The following FGF12 variants were observed in gnomAD, a reference collection of about 807,000 sequenced individuals.
FGF12 encodes fibroblast growth factor 12, also known as fibroblast growth factor 12B.
In FGF12, 14 loss-of-function variants were observed where a neutral mutation model predicts 23.6. The ratio of observed to expected loss-of-function variants is 0.59; its 90% CI spans 0.39 to 0.93. The LOEUF is 0.93. FGF12 is among the 40% of genes least tolerant of loss of function. The pLI is 0.00. For synonymous variants in FGF12, 62 were observed against 77.3 expected, an observed-to-expected ratio of 0.80 and a Z score of 1.04; for missense variants, 175 against 217.8, an observed-to-expected ratio of 0.80 and a Z score of 1.24.
At chr3:192,223,957 G>T (rs185622075) in intron 4 of FGF12, among the ~76,000 whole-genome samples, 275 of 152,198 alleles carry the variant, frequency 1.8e-3, no homozygotes, top group African/African-American at 5.2e-3. Context: ...AAGACAAAGT[G>T]TATAGAGTGA....
chr3:192,345,106 T>C (rs1408654906), intron 3 of FGF12, among the ~76,000 whole-genome samples: 1 of 152,230 alleles, frequency 6.6e-6, no homozygotes, highest in Non-Finnish European at 1.5e-5. Context: ...AAATCAATAC[T>C]ATGGCCTACT....
chr3:192,391,950 G>T (rs1349651578), intron 2 of FGF12, among the ~76,000 whole-genome samples: 3 of 152,174 alleles, frequency 2.0e-5, no homozygotes, highest in Non-Finnish European at 4.4e-5. Flanking sequence ...CATAAGCAAA[G>T]ATTTATGTTT....
intron 4 of FGF12, among the ~76,000 whole-genome samples, chr3:192,303,681 T>C (rs1715465348): frequency 6.6e-6 from 1 of 152,150 alleles, no homozygotes; most frequent in Admixed American, 6.5e-5. Flanking sequence ...CGCTTAGGTT[T>C]TAAAGACACC....
intron 2 of FGF12, among the ~76,000 whole-genome samples, chr3:192,621,996 G>A (rs1055026336): frequency 6.6e-6 from 1 of 152,142 alleles, no homozygotes; most frequent in Non-Finnish European, 1.5e-5. Flanking sequence ...CTTTCCAGTT[G>A]TTGGTGAGTA....
chr3:192,380,973 G>T (rs1719790914), intron 2 of FGF12, among the ~76,000 whole-genome samples: 1 of 149,448 alleles, frequency 6.7e-6, no homozygotes, highest in Non-Finnish European at 1.5e-5. Flanking sequence ...TTAATGACTT[G>T]TTCTATTTAA....
intron 2 of FGF12, among the ~76,000 whole-genome samples, chr3:192,689,907 GA>G (rs1056547793): frequency 2.0e-5 from 3 of 148,946 alleles, no homozygotes; most frequent in Admixed American, 6.7e-5. Flanking sequence ...AAAGCAGGAA[GA>G]AAAAAAAAGC....
chr3:192,179,144 T>C (rs1033076152), intron 4 of FGF12, among the ~76,000 whole-genome samples: 4 of 152,126 alleles, frequency 2.6e-5, no homozygotes, highest in Non-Finnish European at 4.4e-5. Context: ...AATGCCAAAT[T>C]ACATTATCTC....
At chr3:192,263,879 G>A (rs542032102) in intron 4 of FGF12, among the ~76,000 whole-genome samples, 2 of 152,108 alleles carry the variant, frequency 1.3e-5, no homozygotes, top group African/African-American at 4.8e-5. Context: ...GCTCATAAAT[G>A]CAGTCCAACA....
intron 4 of FGF12, among the ~76,000 whole-genome samples, chr3:192,195,674 G>A (rs1258163457): frequency 6.6e-6 from 1 of 152,066 alleles, no homozygotes; most frequent in African/African-American, 2.4e-5. Flanking sequence ...TGTAAGCAAT[G>A]TATAACTATA....
chr3:192,575,445 C>T (rs527322494), intron 2 of FGF12, among the ~76,000 whole-genome samples: 36 of 152,224 alleles, frequency 2.4e-4, no homozygotes, highest in East Asian at 7.8e-4. Flanking sequence ...ACATTAACTT[C>T]GCTAATAGCC....
In FGF12 at chr3:192,514,365, G is replaced by A. The variant is rs1447757821; in HGVS notation, c.14-153827C>T. Among the ~76,000 whole-genome samples the A allele has an allele frequency of 6.6e-6, 1 of 152,250 alleles. No individual in the cohort carries two copies. The highest frequency in any genetic ancestry group is 2.4e-5 in the African/African-American group (1 of 41,476). ...AAATCGCAGAGAGGGCCGCGAGAAG[G>A]TGCGAACGCAGGTCACGGCCAGCGC... On this transcript the variant is annotated intron_variant, in intron 2 of 5. Coordinates refer to ENST00000445105, the MANE Select transcript of FGF12 (RefSeq NM_004113.6). The surrounding 1 kb of genome is among the most constrained non-coding windows in gnomAD (Gnocchi z 4.9).
At chr3:192,651,932 C>A (rs937627440) in intron 2 of FGF12, among the ~76,000 whole-genome samples, 1 of 152,200 alleles carries the variant, frequency 6.6e-6, no homozygotes, top group Non-Finnish European at 1.5e-5. Context: ...GTTATCAATG[C>A]AACCCCTCCC....
chr3:192,564,661 T>C (rs1712198541), intron 2 of FGF12, among the ~76,000 whole-genome samples: 1 of 152,220 alleles, frequency 6.6e-6, no homozygotes. Context: ...TCACAGTTCA[T>C]GATCACATGG....
chr3:192,599,945 T>G (rs779318177), intron 2 of FGF12, among the ~76,000 whole-genome samples: 1 of 152,102 alleles, frequency 6.6e-6, no homozygotes, highest in Non-Finnish European at 1.5e-5. Context: ...TGAGGTCTTA[T>G]TCATAAAATC....
chr3:192,721,101 G>T (rs972888454), intron 2 of FGF12, among the ~76,000 whole-genome samples: 3 of 152,176 alleles, frequency 2.0e-5, no homozygotes, highest in Non-Finnish European at 4.4e-5. Flanking sequence ...GTTTTTGTGG[G>T]AGTTAATGAA....
chr3:192,339,608 T>C (rs1717597013), intron 3 of FGF12, among the ~76,000 whole-genome samples: 1 of 152,218 alleles, frequency 6.6e-6, no homozygotes, highest in Non-Finnish European at 1.5e-5. Flanking sequence ...TATCTCTTTT[T>C]GGAAAGCTTA....
chr3:192,213,261 C>T (rs918138587), intron 4 of FGF12, among the ~76,000 whole-genome samples: 20 of 152,070 alleles, frequency 1.3e-4, no homozygotes, highest in African/African-American at 4.6e-4. Context: ...CTGAAAGCGT[C>T]TCCAATTCTT....
At position 192,414,057 on chromosome 3, in the gene FGF12, A is replaced by G. The variant is rs554837146; in HGVS notation, c.14-53519T>C. 6.9e-4 allele frequency among the ~76,000 whole-genome samples: 105 copies of G among 152,296 alleles called. No homozygotes were observed. The Middle Eastern group carries it at 0.01, about 15-fold the overall frequency. On this transcript the variant is annotated intron_variant, in intron 2 of 5. Transcript: ENST00000445105. ...CATGTTATATGTCCATCTGGTTTTG[A>G]TCATCTTCCAAAACAGAAAAGAGAA...
intron 4 of FGF12, among the ~76,000 whole-genome samples, chr3:192,215,361 T>G (rs1180181509): frequency 6.6e-6 from 1 of 152,108 alleles, no homozygotes; most frequent in Non-Finnish European, 1.5e-5. Flanking sequence ...TTTAAAGAAG[T>G]CTTTCTTACC....
Sources: allele counts gnomAD v4.1 joint callset (sites outside exome capture counted in the v4.1 genomes callset), GRCh38; gene constraint gnomAD v4.1.1; non-coding constraint Gnocchi (gnomAD v3.1); transcripts MANE v1.5; gene names NCBI Gene and HGNC (gene_info 2026-07-23, HGNC 2026-07-21).